The following TELO2 variants were observed in gnomAD, a reference collection of about 807,000 sequenced individuals.
The protein encoded by TELO2 is telomere length regulation protein TEL2 homolog.
In TELO2, 71 loss-of-function variants were observed where a neutral mutation model predicts 91.0. That is an observed-to-expected ratio of 0.78 (90% CI 0.64 to 0.95). The LOEUF is 0.95. Among genes scored for constraint, TELO2 ranks in the 40% least tolerant of loss-of-function variants. The pLI is 0.00. For synonymous variants in TELO2, 584 were observed against 518.9 expected, an observed-to-expected ratio of 1.13 and a Z score of -1.71; for missense variants, 1,183 against 1,141.3, an observed-to-expected ratio of 1.04 and a Z score of -0.53.
At chr16:1,501,363 C>T in intron 9 of TELO2, 57 bp from the exon 10 acceptor site, 1 of 1,570,324 alleles carries the variant, frequency 6.4e-7, no homozygotes, top group Non-Finnish European at 8.6e-7. Flanking sequence ...GTGGCTCCGT[C>T]TCGGGGAGGG....
intron 15 of TELO2, among the ~76,000 whole-genome samples, chr16:1,504,799 C>T (rs891034457): frequency 9.2e-5 from 14 of 151,960 alleles, no homozygotes; most frequent in African/African-American, 3.1e-4. Context: ...CCTCGTGATC[C>T]GCCCGCCTCA....
At position 1,500,112 on chromosome 16, in the gene TELO2, G is replaced by A. The variant is rs118041797; in HGVS notation, c.950G>A (p.Ser317Asn). Residue 317 changes from serine to asparagine, a missense_variant, in exon 7 of 21, where the codon AGC (serine) becomes AAC (asparagine). Ser to Asn is a conservative substitution (Grantham distance 46). Coordinates refer to ENST00000262319, the MANE Select transcript of TELO2 (RefSeq NM_016111.4). ...QSRLTTPMLQ[S>N]LLGHLAMDSQ... ...TTATTGCAGACGCCCATGCTGCAGAGCCTGCTGGGCCATCTGGCCATGGAC... is the reference window on the plus strand; with the variant it reads ...TTATTGCAGACGCCCATGCTGCAGAACCTGCTGGGCCATCTGGCCATGGAC... 16,424 of 1,608,938 alleles carry A rather than the reference G, an allele frequency of 0.01. 107 individuals carry two copies. The highest frequency in any genetic ancestry group is 0.013 in the South Asian group (1,165 of 90,894).
At position 1,497,374 on chromosome 16, in the gene TELO2, C is replaced by T. The variant is rs779643431; in HGVS notation, c.696C>T (p.Gly232=). Residue 232 remains glycine (G), a synonymous_variant, in exon 5 of 21, where the codon GGC becomes GGT. Transcript: ENST00000262319. This position sits in a 1 kb window ranked among gnomAD's most constrained non-coding sequence, Gnocchi z 4.0. ...CVHGRQQEIL[G]VLVPRLAALT... is the part of the protein sequence containing the mutation. ...CTGTCCCCTCAGAGGAGATCCTGGGCGTGCTGGTACCCCGGCTGGCAGCGC... is the reference window on the plus strand; with the variant it reads ...CTGTCCCCTCAGAGGAGATCCTGGGTGTGCTGGTACCCCGGCTGGCAGCGC... 3.3e-5 allele frequency: 51 copies of T among 1,547,440 alleles called. 1 individual carries two copies. The East Asian group carries it at 6.1e-4, about 19-fold the overall frequency.
chr16:1,501,827 C>T, intron 11 of TELO2, 54 bp downstream of exon 11: 1 of 1,558,682 alleles, frequency 6.4e-7, no homozygotes, highest in Admixed American at 1.8e-5. Context: ...GAGGCGAACC[C>T]CTCACACTCC....
rs1425491018 is a variant in TELO2 at position 1,499,249 on chromosome 16, A to G, written c.849A>G (p.Arg283=). The change falls in exon 6 of 21, where the codon AGA becomes AGG. Residue 283 remains arginine (R), a synonymous_variant. Coordinates refer to ENST00000262319, the MANE Select transcript of TELO2 (RefSeq NM_016111.4). The part of the protein sequence containing the change: ...EAALGPEVLS[R]LLGNLVVKNK... Reference sequence around the variant, plus strand: ...CTTGCAGGCCTGAGGTCCTTTCGAGACTGCTGGGGAACCTGGTGGTGAAGA... The same window carrying G: ...CTTGCAGGCCTGAGGTCCTTTCGAGGCTGCTGGGGAACCTGGTGGTGAAGA... The G allele has an allele frequency of 1.2e-6, 2 of 1,613,866 alleles. No individual in the cohort carries two copies. The highest frequency in any genetic ancestry group is 2.2e-5 in the South Asian group (2 of 91,076).
intron 20 of TELO2, among the ~76,000 whole-genome samples, chr16:1,508,263 G>C (rs1159266719): frequency 6.6e-6 from 1 of 152,200 alleles, no homozygotes; most frequent in Admixed American, 6.5e-5. Flanking sequence ...CTCCTGAGTA[G>C]CTGGGATTAC....
At chr16:1,500,771 C>G in intron 9 of TELO2, 72 bp downstream of exon 9, 1 of 1,569,132 alleles carries the variant, frequency 6.4e-7, no homozygotes, top group Admixed American at 1.8e-5. Flanking sequence ...TCTCCAGCCC[C>G]AGGGTCACCG....
rs772964225 is a variant in TELO2, at chr16:1,505,448, G to A, written c.1881G>A (p.Gly627=). The change falls in exon 16 of 21, where the codon GGG becomes GGA. Residue 627 remains glycine (G), a synonymous_variant. Coordinates refer to ENST00000262319, the MANE Select transcript of TELO2 (RefSeq NM_016111.4). The surrounding 1 kb of genome is among the most constrained non-coding windows in gnomAD (Gnocchi z 4.3). ...CTGCCCAGGAGCTGTCTAGGCCTGGGTGCCTCGGGAGGACTCCCCAACCTG... is the reference window on the plus strand; with the variant it reads ...CTGCCCAGGAGCTGTCTAGGCCTGGATGCCTCGGGAGGACTCCCCAACCTG... ...TLAAQELSRP[G]CLGRTPQPGS... is the part of the protein sequence containing the mutation. 14 of 1,612,982 alleles carry A rather than the reference G, an allele frequency of 8.7e-6. No homozygotes were observed. In the South Asian group the frequency reaches 1.1e-4, roughly 13 times the overall value.
chr16:1,507,847 GGGGTGT>G (rs1567307863), intron 20 of TELO2, 131 bp downstream of exon 20: 1 of 341,858 alleles, frequency 2.9e-6, no homozygotes, highest in East Asian at 9.6e-5. Context: ...GTGTTGGCCC[GGGGTGT>G]GTGTGTGTGT....
At position 1,505,696 on chromosome 16, in the gene TELO2, G is replaced by GA; in HGVS notation, c.2034+95_2034+96insA. On this transcript the variant is annotated intron_variant, in intron 16 of 20. Transcript: ENST00000262319. This position sits in a 1 kb window ranked among gnomAD's most constrained non-coding sequence, Gnocchi z 4.3. ...CTCCAGGCGCTGTCTGCAGCGAGGG[G>GA]CGGCCACATTCGCTGGGGATGGTGC... 7.1e-7 allele frequency: 1 copy of GA among 1,418,426 alleles called. No individual in the cohort carries two copies. 87.9% of individuals were successfully genotyped at this position (1,418,426 alleles called of 1,614,324 possible). A position where few individuals can be genotyped will look rare whatever the true frequency, so the allele number is the denominator to read the frequency against.
Position 1,497,774 on chromosome 16 carries a change from C to T in TELO2, c.830+266C>T, listed in dbSNP as rs1394070023. On this transcript the variant is annotated intron_variant, in intron 5 of 20. Transcript: ENST00000262319. This position sits in a 1 kb window ranked among gnomAD's most constrained non-coding sequence, Gnocchi z 4.0. Reference sequence around the variant, plus strand: ...GCGCCTGTACCTTGGGCCGTCCACCCGTCCTGCGCCTGTGGTCCCCCTCGC... The same window carrying T: ...GCGCCTGTACCTTGGGCCGTCCACCTGTCCTGCGCCTGTGGTCCCCCTCGC... Among the ~76,000 whole-genome samples, 1 of 152,188 alleles carries T rather than the reference C, an allele frequency of 6.6e-6. No individual in the cohort carries two copies. Among genetic ancestry groups the T allele is most frequent in the Non-Finnish European group, 1.5e-5 (1 of 68,034 alleles).
In TELO2 at chr16:1,506,287, T is replaced by TGG; in HGVS notation, c.2085_2086dup (p.Ala696GlyfsTer18). On this transcript the variant is annotated frameshift_variant, in exon 17 of 21. Transcript: ENST00000262319. LOFTEE classifies it high-confidence loss of function. ...GGCAGCCCCAGCAGATTCAACTCCG[T>TGG]GGCCGGCCACTTCTTCTTCCCCCTC... The TGG allele has an allele frequency of 4.3e-6, 7 of 1,613,952 alleles. No individual in the cohort carries two copies. The highest frequency in any genetic ancestry group is 5.9e-6 in the Non-Finnish European group (7 of 1,180,010).
rs756511748 is a variant in TELO2 at position 1,497,686 on chromosome 16, T to C, written c.830+178T>C. Among the ~76,000 whole-genome samples, 13 of 152,176 alleles carry C rather than the reference T, an allele frequency of 8.5e-5. No individual in the cohort carries two copies. The highest frequency in any genetic ancestry group is 2.6e-4 in the Admixed American group (4 of 15,290). ...CCGCACGTGCTGATGGTGACCTCTG[T>C]ATCAGAGGGTCCCTTTCTCTTATGA... is the stretch of plus-strand genomic sequence containing the variant. On this transcript the variant is annotated intron_variant, in intron 5 of 20. Transcript: ENST00000262319. The surrounding 1 kb of genome is among the most constrained non-coding windows in gnomAD (Gnocchi z 4.0).
chr16:1,498,942 G>A (rs1298963650), intron 5 of TELO2, among the ~76,000 whole-genome samples: 1 of 152,104 alleles, frequency 6.6e-6, no homozygotes, highest in African/African-American at 2.4e-5. Context: ...GGCCTTCGAG[G>A]GTGGACCCGC....
Position 1,502,617 on chromosome 16 carries a change from G to T in TELO2, c.1654-28G>T, listed in dbSNP as rs933653345. 5 of 1,603,448 alleles carry T rather than the reference G, an allele frequency of 3.1e-6. No homozygotes were observed. In the African/African-American group the frequency reaches 6.7e-5, roughly 21 times the overall value. On this transcript the variant is annotated intron_variant, in intron 13 of 20. Transcript: ENST00000262319. ...CTCGGCGGGCAGCTGGGTCCGACAG[G>T]TTTCCCAGCCCTAACCCCTGCGTGC...
rs747500566 is a variant in TELO2 at position 1,505,385 on chromosome 16, C to T, written c.1843-25C>T. 2.6e-5 allele frequency: 41 copies of T among 1,591,412 alleles called. No individual in the cohort carries two copies. The highest frequency in any genetic ancestry group is 3.4e-5 in the Admixed American group (2 of 58,706). On this transcript the variant is annotated intron_variant, in intron 15 of 20. Coordinates refer to ENST00000262319, the MANE Select transcript of TELO2 (RefSeq NM_016111.4). This position sits in a 1 kb window ranked among gnomAD's most constrained non-coding sequence, Gnocchi z 4.3. ...ATGTTCTTCCCTGGAGCAGTGGCGA[C>T]GGCCCTGGGCCTGTCTCCCTCCAGG...
intron 5 of TELO2, 144 bp from the exon 6 acceptor site, chr16:1,499,087 G>A (rs1186311709): frequency 2.6e-6 from 2 of 762,456 alleles, no homozygotes; most frequent in Non-Finnish European, 2.2e-6. Flanking sequence ...AGCTCAGGCA[G>A]TCGGAGGATG....
At chr16:1,496,115 C>CCTGCAGGGGT (rs1567293134) in intron 3 of TELO2, among the ~76,000 whole-genome samples, 1 of 152,220 alleles carries the variant, frequency 6.6e-6, no homozygotes, top group African/African-American at 2.4e-5. Context: ...TCTGCCTCTC[C>CCTGCAGGGGT]CTGCAGGGTG....
chr16:1,498,083 C>T (rs944528711), intron 5 of TELO2, among the ~76,000 whole-genome samples: 5 of 151,078 alleles, frequency 3.3e-5, no homozygotes, highest in Non-Finnish European at 5.9e-5. Flanking sequence ...ACGGTGCAAT[C>T]GGCTCACTGC....
Sources: allele counts gnomAD v4.1 joint callset (sites outside exome capture counted in the v4.1 genomes callset), GRCh38; gene constraint gnomAD v4.1.1; non-coding constraint Gnocchi (gnomAD v3.1); transcripts MANE v1.5; gene names NCBI Gene and HGNC (gene_info 2026-07-23, HGNC 2026-07-21).